PSD3: variants seen among roughly 807,000 people sequenced by gnomAD.
PSD3 encodes pleckstrin and Sec7 domain containing 3.
In PSD3, 49 loss-of-function variants were observed where a neutral mutation model predicts 105.5. That is an observed-to-expected ratio of 0.46 (90% CI 0.37 to 0.59). The LOEUF (loss-of-function observed/expected upper bound fraction) is 0.59, where lower values mean the gene tolerates loss of function less well. Among genes scored for constraint, PSD3 ranks in the 20% least tolerant of loss-of-function variants. PSD3 has a pLI of 0.00. For synonymous variants in PSD3, 557 were observed against 457.8 expected (o/e 1.22, Z -2.77); for missense variants, 1,561 against 1,263.8 (o/e 1.24, Z -3.57).
chr8:18,854,745 G>C (rs532562536), intron 4 of PSD3, among the ~76,000 whole-genome samples: 3 of 152,034 alleles, frequency 2.0e-5, no homozygotes, highest in Non-Finnish European at 4.4e-5. Context: ...GACTGAAATA[G>C]ACAACAAAAT....
At chr8:18,838,233 A>AT (rs1459458003) in intron 4 of PSD3, among the ~76,000 whole-genome samples, 1 of 152,112 alleles carries the variant, frequency 6.6e-6, no homozygotes, top group African/African-American at 2.4e-5. Context: ...TTCAGTTCTG[A>AT]TTTCATGTAG....
intron 1 of PSD3, among the ~76,000 whole-genome samples, chr8:18,962,824 G>C (rs978259321): frequency 2.0e-5 from 3 of 152,186 alleles, no homozygotes; most frequent in African/African-American, 7.2e-5. Flanking sequence ...TGAAGATCTA[G>C]GTTCTCTTGT....
At chr8:18,667,339 T>A (rs1056411569) in intron 9 of PSD3, among the ~76,000 whole-genome samples, 1 of 152,086 alleles carries the variant, frequency 6.6e-6, no homozygotes, top group Non-Finnish European at 1.5e-5. Flanking sequence ...AGAGTGCTGA[T>A]TGGTGTATTT....
intron 9 of PSD3, among the ~76,000 whole-genome samples, chr8:18,693,872 G>C (rs993550155): frequency 1.1e-4 from 17 of 152,158 alleles, no homozygotes; most frequent in African/African-American, 4.1e-4. Context: ...CCATGTTTTT[G>C]GAGCCAGGAA....
chr8:18,584,081 G>A lies in PSD3; in HGVS notation c.2482-8796C>T, dbSNP rs141782718. 5.9e-5 allele frequency among the ~76,000 whole-genome samples: 9 copies of A among 152,184 alleles called. 1 individual carries two copies. The East Asian group carries it at 1.7e-3, about 29-fold the overall frequency. Reference sequence around the variant, plus strand: ...AGTTCCACATACTTCATGGTTTCTGGGAACAATAGACCTGAAAAAGGTCTA... The same window carrying A: ...AGTTCCACATACTTCATGGTTTCTGAGAACAATAGACCTGAAAAAGGTCTA... On this transcript the variant is annotated intron_variant, in intron 12 of 15. Transcript: ENST00000327040.
chr8:18,591,726 GCTAT>G (rs915089710), intron 12 of PSD3, among the ~76,000 whole-genome samples: 2 of 152,120 alleles, frequency 1.3e-5, no homozygotes, highest in African/African-American at 4.8e-5. Flanking sequence ...TTTTTGGAGG[GCTAT>G]CTGAGGGAGT....
At chr8:18,954,399 T>A (rs1173166108) in intron 1 of PSD3, among the ~76,000 whole-genome samples, 1 of 152,060 alleles carries the variant, frequency 6.6e-6, no homozygotes, top group East Asian at 1.9e-4. Flanking sequence ...AAAAGAGTAG[T>A]ATGGAAAAAG....
At chr8:18,722,215 G>T (rs1803030330) in intron 9 of PSD3, among the ~76,000 whole-genome samples, 1 of 151,984 alleles carries the variant, frequency 6.6e-6, no homozygotes, top group Non-Finnish European at 1.5e-5. Flanking sequence ...TAATATGTCA[G>T]TGGGACTAAA....
At chr8:18,965,533 A>C (rs1435264072) in intron 1 of PSD3, among the ~76,000 whole-genome samples, 3 of 152,216 alleles carry the variant, frequency 2.0e-5, no homozygotes, top group Non-Finnish European at 4.4e-5. Context: ...CACTGTGACC[A>C]TTTACTACTC....
chr8:18,616,725 G>A (rs956980583), intron 11 of PSD3, among the ~76,000 whole-genome samples: 14 of 145,964 alleles, frequency 9.6e-5, no homozygotes, highest in Non-Finnish European at 1.7e-4. Flanking sequence ...CCGGGTTCAC[G>A]CCATTCTCCT....
intron 4 of PSD3, among the ~76,000 whole-genome samples, chr8:18,862,513 C>CA (rs1454428645): frequency 6.6e-6 from 1 of 152,144 alleles, no homozygotes; most frequent in East Asian, 1.9e-4. Context: ...GGAGCAACAG[C>CA]AACAGGCTCA....
At chr8:19,041,254 T>C (rs764437708) in intron 1 of PSD3, among the ~76,000 whole-genome samples, 7 of 152,160 alleles carry the variant, frequency 4.6e-5, no homozygotes, top group African/African-American at 1.2e-4. Context: ...CTACCTCCTG[T>C]AAACCAGAGG....
intron 1 of PSD3, among the ~76,000 whole-genome samples, chr8:18,991,337 A>AACACAC (rs1223831955): frequency 9.5e-6 from 1 of 105,700 alleles, no homozygotes. Flanking sequence ...GGCAACAGAA[A>AACACAC]ACACACACAC....
intron 9 of PSD3, among the ~76,000 whole-genome samples, chr8:18,719,047 G>C (rs1351230371): frequency 6.6e-6 from 1 of 152,310 alleles, no homozygotes; most frequent in East Asian, 1.9e-4. Flanking sequence ...AGTTATCCTA[G>C]ATCAGGAGAA....
chr8:18,793,899 A>C (rs920870370), intron 8 of PSD3, among the ~76,000 whole-genome samples: 1 of 152,152 alleles, frequency 6.6e-6, no homozygotes, highest in African/African-American at 2.4e-5. Context: ...ATATCATGGA[A>C]GTCTGTGATG....
chr8:18,686,092 G>C (rs755962829), intron 9 of PSD3, among the ~76,000 whole-genome samples: 89 of 152,110 alleles, frequency 5.9e-4, no homozygotes, highest in Non-Finnish European at 2.4e-4. Flanking sequence ...TACAGAAATG[G>C]AATCTGATAC....
chr8:18,676,794 C>A (rs1337332977), intron 9 of PSD3, among the ~76,000 whole-genome samples: 1 of 152,260 alleles, frequency 6.6e-6, no homozygotes, highest in Non-Finnish European at 1.5e-5. Flanking sequence ...CTTCCCCCTG[C>A]TGCTTCCTGC....
At chr8:18,889,702 G>A (rs1818662777) in intron 2 of PSD3, among the ~76,000 whole-genome samples, 1 of 152,148 alleles carries the variant, frequency 6.6e-6, no homozygotes, top group South Asian at 2.1e-4. Flanking sequence ...AGCCTCCTGT[G>A]TCTAAGGATC....
At chr8:18,946,886 C>A (rs569065433) in intron 1 of PSD3, among the ~76,000 whole-genome samples, 2 of 150,578 alleles carry the variant, frequency 1.3e-5, no homozygotes, top group African/African-American at 2.4e-5. Context: ...GCCTGCGCAA[C>A]AGAGCAAGAC....
Sources: gnomAD v4.1 joint callset for allele counts (sites outside exome capture counted in the v4.1 genomes callset) on GRCh38, gnomAD v4.1.1 for gene constraint, MANE v1.5 for transcripts, NCBI Gene and HGNC (gene_info 2026-07-23, HGNC 2026-07-21) for gene names.